The following SLC5A1 variants were observed in gnomAD, a reference collection of about 807,000 sequenced individuals.
SLC5A1 encodes sodium/glucose cotransporter 1.
Under a neutral mutation model 73.5 loss-of-function variants are expected in SLC5A1, and 42 were observed. The ratio of observed to expected loss-of-function variants is 0.57; its 90% CI spans 0.45 to 0.74. SLC5A1 has a LOEUF of 0.74. Ranked by LOEUF, SLC5A1 falls within the 30% of genes least tolerant of loss-of-function variation. SLC5A1 has a pLI of 0.00. For synonymous variants in SLC5A1, 300 were observed against 317.4 expected (o/e 0.95, Z 0.58); for missense variants, 634 against 855.4 (o/e 0.74, Z 3.23).
chr22:32,099,105 A>AATAT (rs765568860), intron 11 of SLC5A1, 78 bp from the exon 12 acceptor site: 1,023 of 57,544 alleles, frequency 0.018, 21 homozygotes, highest in Middle Eastern at 0.047. Flanking sequence ...AAAAAAAAAA[A>AATAT]ATATATATAT....
chr22:32,098,213 GA>G (rs2094029506), intron 11 of SLC5A1, among the ~76,000 whole-genome samples: 1 of 152,164 alleles, frequency 6.6e-6, no homozygotes, highest in Non-Finnish European at 1.5e-5. Context: ...ACAAAAGAAT[GA>G]AAAAATATGT....
chr22:32,043,656 C>G lies in SLC5A1; in HGVS notation c.135+240C>G, dbSNP rs1273410382. Among the ~76,000 whole-genome samples the G allele has an allele frequency of 1.3e-5, 2 of 152,076 alleles. No homozygotes were observed. Among genetic ancestry groups the G allele is most frequent in the Non-Finnish European group, 2.9e-5 (2 of 68,004 alleles). Reference sequence around the variant, plus strand: ...GGAAGGACCAAGGAGGATACCTGAGCCTGTGAGCAGAGAAGGAAGGTGGGG... The same window carrying G: ...GGAAGGACCAAGGAGGATACCTGAGGCTGTGAGCAGAGAAGGAAGGTGGGG... On this transcript the variant is annotated intron_variant, in intron 1 of 14. Transcript: ENST00000266088. The surrounding 1 kb of genome is among the most constrained non-coding windows in gnomAD (Gnocchi z 6.5).
chr22:32,099,124 AT>A, intron 11 of SLC5A1, 58 bp from the exon 12 acceptor site: 1 of 534,808 alleles, frequency 1.9e-6, no homozygotes, highest in Non-Finnish European at 3.4e-6. Context: ...ATATATATAT[AT>A]ATATATACTC....
In SLC5A1 at chr22:32,043,750, G is replaced by A. The variant is rs917662370; in HGVS notation, c.135+334G>A. ...TGCTTAGAGCTACAGGGAGGGCTCTGGGGCTTGGGAGATGAGCCTCTAGCA... is the reference window on the plus strand; with the variant it reads ...TGCTTAGAGCTACAGGGAGGGCTCTAGGGCTTGGGAGATGAGCCTCTAGCA... On this transcript the variant is annotated intron_variant, in intron 1 of 14. Coordinates refer to ENST00000266088, the MANE Select transcript of SLC5A1 (RefSeq NM_000343.4). The surrounding 1 kb of genome is among the most constrained non-coding windows in gnomAD (Gnocchi z 6.5). Among the ~76,000 whole-genome samples, 19 of 152,200 alleles carry A rather than the reference G, an allele frequency of 1.2e-4. No individual in the cohort carries two copies. The highest frequency in any genetic ancestry group is 1.5e-5 in the Non-Finnish European group (1 of 68,038).
chr22:32,078,208 C>T (rs1233751554), intron 5 of SLC5A1, among the ~76,000 whole-genome samples: 1 of 152,122 alleles, frequency 6.6e-6, no homozygotes, highest in African/African-American at 2.4e-5. Context: ...TGACAGTGGT[C>T]ACTTCTGGGC....
chr22:32,081,754 C>T (rs866536121), intron 5 of SLC5A1, 112 bp from the exon 6 acceptor site: 28 of 772,270 alleles, frequency 3.6e-5, no homozygotes, highest in Middle Eastern at 6.4e-4. Context: ...TCATGGAATA[C>T]GTATTATCAT....
At chr22:32,091,343 CCCA>C (rs902918334) in intron 10 of SLC5A1, among the ~76,000 whole-genome samples, 1 of 142,642 alleles carries the variant, frequency 7.0e-6, no homozygotes, top group Admixed American at 7.0e-5. Flanking sequence ...ACACACACAC[CCCA>C]CCACCTTCAT....
intron 10 of SLC5A1, among the ~76,000 whole-genome samples, chr22:32,088,330 G>T: frequency 1.3e-5 from 2 of 148,186 alleles, no homozygotes; most frequent in Admixed American, 6.8e-5. Flanking sequence ...AGTAAATACT[G>T]CATTCCTTTT....
rs2094002477 is a variant in SLC5A1, at chr22:32,083,061, C to T, written c.584-13C>T. On this transcript the variant is annotated splice_polypyrimidine_tract_variant and intron_variant, in intron 6 of 14. Coordinates refer to ENST00000266088, the MANE Select transcript of SLC5A1 (RefSeq NM_000343.4). ...CACACGAGGTCAGATGTGTTGTCTT[C>T]TTGCCTGCTTAGGGGGCCTGGCGGC... 6.2e-7 allele frequency: 1 copy of T among 1,613,734 alleles called. No homozygotes were observed. The highest frequency in any genetic ancestry group is 1.3e-5 in the African/African-American group (1 of 74,928).
In SLC5A1 at chr22:32,049,959, A is replaced by G. The variant is rs17683011; in HGVS notation, c.152A>G (p.Asn51Ser). ...CCTCCTCAGGCTATGTTTTCCACCA[A>G]TCGTGGGACTGTTGGAGGCTTCTTC... ...AVGLWAMFST[N>S]RGTVGGFFLA... Residue 51 changes from asparagine to serine, a missense_variant, in exon 2 of 15, where the codon AAT (asparagine) becomes AGT (serine). Physicochemically the swap from Asn to Ser is conservative, Grantham distance 46. Around this residue, in one of 3 missense-constraint regions of SLC5A1, gnomAD observed 422 missense variants for 626.1 expected, o/e 0.67. Coordinates refer to ENST00000266088, the MANE Select transcript of SLC5A1 (RefSeq NM_000343.4). 0.065 allele frequency: 105,378 copies of G among 1,613,218 alleles called. 3,926 individuals carry two copies. Among genetic ancestry groups the G allele is most frequent in the Non-Finnish European group, 0.077 (90,492 of 1,179,160 alleles).
At chr22:32,097,953 A>C (rs576548542) in intron 11 of SLC5A1, among the ~76,000 whole-genome samples, 1 of 152,390 alleles carries the variant, frequency 6.6e-6, no homozygotes. Flanking sequence ...AACAAAGCAC[A>C]TTAAAAAAGT....
In SLC5A1 at chr22:32,084,992, CATCATGGTGATGCCAGGAATG is replaced by C; in HGVS notation, c.983_1003del (p.Met328_Ile334del). 1 of 1,614,150 alleles carries C rather than the reference CATCATGGTGATGCCAGGAATG, an allele frequency of 6.2e-7. No homozygotes were observed. Among genetic ancestry groups the C allele is most frequent in the Non-Finnish European group, 8.5e-7 (1 of 1,179,990 alleles). On this transcript the variant is annotated inframe_deletion, in exon 9 of 15. Coordinates refer to ENST00000266088, the MANE Select transcript of SLC5A1 (RefSeq NM_000343.4). ...GGTATCTAAAGCTGATGCCCATGTT[CATCATGGTGATGCCAGGAATG>C]ATCAGCCGCATTCTGTACACAGGTA...
intron 5 of SLC5A1, among the ~76,000 whole-genome samples, chr22:32,071,279 C>T (rs1569306136): frequency 6.6e-6 from 1 of 152,106 alleles, no homozygotes; most frequent in African/African-American, 2.4e-5. Context: ...TGGCAAGACC[C>T]TATATCTACA....
chr22:32,046,646 C>A (rs1247594652), intron 1 of SLC5A1, among the ~76,000 whole-genome samples: 1 of 152,204 alleles, frequency 6.6e-6, no homozygotes, highest in Non-Finnish European at 1.5e-5. Flanking sequence ...CAACAGGCCA[C>A]ACTTGAGGCT....
At position 32,089,004 on chromosome 22, in the gene SLC5A1, T is replaced by C. The variant is rs148484438; in HGVS notation, c.1130-2608T>C. Reference sequence around the variant, plus strand: ...TTTTGCCTAGACCACTGTAAAATTATGCACTGTAAAATTGTGTTCAGCAAA... The same window carrying C: ...TTTTGCCTAGACCACTGTAAAATTACGCACTGTAAAATTGTGTTCAGCAAA... On this transcript the variant is annotated intron_variant, in intron 10 of 14. Transcript: ENST00000266088. 2.6e-5 allele frequency among the ~76,000 whole-genome samples: 4 copies of C among 152,372 alleles called. No individual in the cohort carries two copies. In the East Asian group the frequency reaches 7.7e-4, roughly 29 times the overall value.
chr22:32,109,073 C>T (rs973143133), intron 14 of SLC5A1, among the ~76,000 whole-genome samples: 6 of 152,030 alleles, frequency 3.9e-5, no homozygotes, highest in Non-Finnish European at 8.8e-5. Flanking sequence ...CTAAGGAGAC[C>T]GAGGTGGGGG....
intron 5 of SLC5A1, among the ~76,000 whole-genome samples, chr22:32,079,032 C>T (rs1040051775): frequency 4.6e-5 from 7 of 150,644 alleles, no homozygotes; most frequent in African/African-American, 9.8e-5. Flanking sequence ...AAGGAGGTCC[C>T]TTACTTTTCA....
chr22:32,053,799 A>G (rs1274717186), intron 2 of SLC5A1, among the ~76,000 whole-genome samples: 2 of 152,234 alleles, frequency 1.3e-5, no homozygotes, highest in African/African-American at 4.8e-5. Context: ...TCTGGGATTA[A>G]ATTAGTTAAT....
In SLC5A1 at chr22:32,081,847, G is replaced by A. The variant is rs201158993; in HGVS notation, c.478-19G>A. The A allele has an allele frequency of 5.1e-6, 8 of 1,557,154 alleles. No individual in the cohort carries two copies. The highest frequency in any genetic ancestry group is 4.5e-5 in the East Asian group (2 of 44,564). On this transcript the variant is annotated intron_variant, in intron 5 of 14. Transcript: ENST00000266088. ...GCTGACCACTCTCCCTCCTAACTCC[G>A]CCTCTCCTCTCCTTCCAGGCAGACA...
Sources: gnomAD v4.1 joint callset for allele counts (sites outside exome capture counted in the v4.1 genomes callset) on GRCh38, gnomAD v4.1.1 for gene constraint, gnomAD v4.1.1 regional missense constraint, Gnocchi (gnomAD v3.1) non-coding constraint, MANE v1.5 for transcripts, NCBI Gene and HGNC (gene_info 2026-07-23, HGNC 2026-07-21) for gene names.